The following PTPRD variants were observed in gnomAD, a reference collection of about 807,000 sequenced individuals.
PTPRD encodes the protein receptor-type tyrosine-protein phosphatase delta.
Under a neutral mutation model 214.5 loss-of-function variants are expected in PTPRD, and 34 were observed. That is an observed-to-expected ratio of 0.16 (90% CI 0.12 to 0.21). The LOEUF is 0.21. PTPRD is among the 10% of genes least tolerant of loss of function. The pLI, the probability that PTPRD is intolerant of heterozygous loss-of-function variation, is 1.00. For synonymous variants in PTPRD, 1,128 were observed against 845.7 expected (o/e 1.33, Z -5.79); for missense variants, 2,545 against 2,398.7 (o/e 1.06, Z -1.27).
chr9:8,893,629 T>C (rs973048990), intron 11 of PTPRD, among the ~76,000 whole-genome samples: 4 of 152,184 alleles, frequency 2.6e-5, no homozygotes, highest in Non-Finnish European at 5.9e-5. Context: ...TTTGGCACAA[T>C]GTGGTAAAGA....
At chr9:9,198,464 C>G (rs1308274038) in intron 9 of PTPRD, among the ~76,000 whole-genome samples, 1 of 151,882 alleles carries the variant, frequency 6.6e-6, no homozygotes, top group Non-Finnish European at 1.5e-5. Flanking sequence ...ATTCAAGCAA[C>G]TTTTAGAACT....
At chr9:9,161,877 G>C (rs192081355) in intron 10 of PTPRD, among the ~76,000 whole-genome samples, 1 of 151,664 alleles carries the variant, frequency 6.6e-6, no homozygotes, top group Non-Finnish European at 1.5e-5. Context: ...TATTTAAATT[G>C]ACTAAATGTT....
intron 5 of PTPRD, among the ~76,000 whole-genome samples, chr9:9,808,956 T>A (rs1165882603): frequency 3.3e-5 from 5 of 149,934 alleles, no homozygotes; most frequent in Non-Finnish European, 7.4e-5. Flanking sequence ...TTGTATTTTT[T>A]TTTTTTTTTT....
intron 3 of PTPRD, among the ~76,000 whole-genome samples, chr9:10,118,532 T>C (rs977556940): frequency 1.3e-5 from 2 of 151,812 alleles, no homozygotes; most frequent in African/African-American, 4.8e-5. Context: ...AGGCTATCGT[T>C]ATTATCAGAA....
intron 11 of PTPRD, among the ~76,000 whole-genome samples, chr9:8,747,176 G>C (rs1370322832): frequency 6.6e-6 from 1 of 151,986 alleles, no homozygotes; most frequent in Non-Finnish European, 1.5e-5. Flanking sequence ...TTAAATCATA[G>C]GTTTAATCAT....
At chr9:10,291,073 G>C (rs189998496) in intron 3 of PTPRD, among the ~76,000 whole-genome samples, 25 of 146,896 alleles carry the variant, frequency 1.7e-4, no homozygotes, top group Admixed American at 6.9e-4. Context: ...CTTTAAGAAT[G>C]AGCATATAGT....
intron 11 of PTPRD, among the ~76,000 whole-genome samples, chr9:8,804,583 G>A (rs2096637791): frequency 6.6e-6 from 1 of 152,062 alleles, no homozygotes; most frequent in African/African-American, 2.4e-5. Context: ...GTGTGACAGA[G>A]AGACACTCTG....
rs924891191 is a variant in PTPRD, at chr9:9,826,923, ATATC to A, written c.-367-60076_-367-60073del. ...TCACAATTACTTCAAAGAAAATAAA[ATATC>A]TAGGAATCCAACTTACAAGGGATGT... On this transcript the variant is annotated intron_variant, in intron 5 of 45. Coordinates refer to ENST00000381196, the MANE Select transcript of PTPRD (RefSeq NM_002839.4). Among the ~76,000 whole-genome samples, 109 of 152,266 alleles carry A rather than the reference ATATC, an allele frequency of 7.2e-4. 1 individual carries two copies. Among genetic ancestry groups the A allele is most frequent in the African/African-American group, 2.5e-3 (103 of 41,566 alleles).
intron 8 of PTPRD, among the ~76,000 whole-genome samples, chr9:9,520,633 C>A (rs750746430): frequency 6.6e-6 from 1 of 152,114 alleles, no homozygotes; most frequent in Admixed American, 6.6e-5. Flanking sequence ...AAACAGTTAT[C>A]GAGATATAAA....
chr9:9,215,750 A>G (rs777481792), intron 9 of PTPRD, among the ~76,000 whole-genome samples: 1 of 152,176 alleles, frequency 6.6e-6, no homozygotes, highest in Non-Finnish European at 1.5e-5. Context: ...TCTTCATTCC[A>G]TCGTACATTG....
intron 7 of PTPRD, among the ~76,000 whole-genome samples, chr9:9,709,905 T>C (rs551649714): frequency 5.3e-5 from 8 of 152,114 alleles, no homozygotes; most frequent in South Asian, 2.1e-4. Context: ...ATCCCATTAA[T>C]AGAATATCCT....
At chr9:8,365,345 G>A (rs570854734) in intron 39 of PTPRD, among the ~76,000 whole-genome samples, 199 of 152,300 alleles carry the variant, frequency 1.3e-3, no homozygotes, top group Non-Finnish European at 2.1e-3. Flanking sequence ...AGAGTTAAGA[G>A]CACAAGTTTC....
intron 2 of PTPRD, among the ~76,000 whole-genome samples, chr9:10,395,285 G>C (rs1587124737): frequency 6.7e-6 from 1 of 150,164 alleles, no homozygotes; most frequent in Non-Finnish European, 1.5e-5. Flanking sequence ...CAGTGTGTGA[G>C]GCTTCCCTTC....
At chr9:10,128,549 T>C (rs2098836508) in intron 3 of PTPRD, among the ~76,000 whole-genome samples, 1 of 152,178 alleles carries the variant, frequency 6.6e-6, no homozygotes, top group Non-Finnish European at 1.5e-5. Flanking sequence ...CATTTTGATC[T>C]AGGACTTTCA....
At position 9,962,807 on chromosome 9, in the gene PTPRD, A is replaced by C. The variant is rs1020186597; in HGVS notation, c.-471-24197T>G. 2.0e-5 allele frequency among the ~76,000 whole-genome samples: 3 copies of C among 152,126 alleles called. No homozygotes were observed. In the South Asian group the frequency reaches 6.2e-4, roughly 31 times the overall value. On this transcript the variant is annotated intron_variant, in intron 4 of 45. Coordinates refer to ENST00000381196, the MANE Select transcript of PTPRD (RefSeq NM_002839.4). ...CATCTGACTTAGAATCTTAGCAGAA[A>C]TATAAGAGTTCAATAAAGACTGTTC...
intron 5 of PTPRD, among the ~76,000 whole-genome samples, chr9:9,893,456 A>G (rs1251528938): frequency 2.0e-5 from 3 of 152,134 alleles, no homozygotes; most frequent in African/African-American, 7.2e-5. Context: ...AATAGAAAAC[A>G]ACAAAAAATA....
At chr9:9,901,994 T>G (rs778587276) in intron 5 of PTPRD, among the ~76,000 whole-genome samples, 5 of 152,218 alleles carry the variant, frequency 3.3e-5, no homozygotes, top group Non-Finnish European at 5.9e-5. Flanking sequence ...ATCTTCTATT[T>G]CACAGTTAGT....
At chr9:10,209,682 C>T (rs1326158381) in intron 3 of PTPRD, among the ~76,000 whole-genome samples, 3 of 151,358 alleles carry the variant, frequency 2.0e-5, no homozygotes, top group Admixed American at 6.6e-5. Flanking sequence ...CCTTTGATCT[C>T]GTATTTTTCA....
intron 3 of PTPRD, among the ~76,000 whole-genome samples, chr9:10,312,671 T>C (rs536878777): frequency 1.3e-5 from 2 of 151,898 alleles, no homozygotes; most frequent in East Asian, 1.9e-4. Flanking sequence ...AAGTGCTTTA[T>C]ATATAAAAGC....
Sources: allele counts gnomAD v4.1 joint callset (sites outside exome capture counted in the v4.1 genomes callset), GRCh38; gene constraint gnomAD v4.1.1; transcripts MANE v1.5; gene names NCBI Gene and HGNC (gene_info 2026-07-23, HGNC 2026-07-21).